Variants in LHPP observed in about 807,000 individuals in gnomAD.
LHPP encodes the protein hLHPP.
LHPP carries 24 observed loss-of-function variants against 30.3 expected under a neutral mutation model. The observed-to-expected ratio is 0.79, with a 90% confidence interval of 0.57 to 1.11. LHPP has a LOEUF of 1.11. Among genes scored for constraint, LHPP ranks in the 50% most tolerant of loss-of-function variants. The probability of loss-of-function intolerance (pLI) is 0.00; values close to 1 mark genes in which losing one functional copy is unlikely to be tolerated. For missense variants in LHPP, 356 were observed against 367.2 expected (o/e 0.97, Z 0.25); for synonymous variants, 150 against 157.1 (o/e 0.95, Z 0.34).
In LHPP at chr10:124,587,364, C is replaced by T. The variant is rs114374560; in HGVS notation, c.717-25900C>T. Reference sequence around the variant, plus strand: ...CTTTCTGTGGTGTAAATATTCCTACCATGGCTGATTTCCTCTGGGGAAGCC... The same window carrying T: ...CTTTCTGTGGTGTAAATATTCCTACTATGGCTGATTTCCTCTGGGGAAGCC... On this transcript the variant is annotated intron_variant, in intron 6 of 6. Coordinates refer to ENST00000368842, the MANE Select transcript of LHPP (RefSeq NM_022126.4). Among the ~76,000 whole-genome samples, 421 of 152,084 alleles carry T rather than the reference C, an allele frequency of 2.8e-3. 1 individual carries two copies. The highest frequency in any genetic ancestry group is 9.6e-3 in the African/African-American group (399 of 41,512).
intron 1 of LHPP, among the ~76,000 whole-genome samples, chr10:124,472,920 A>G (rs1383789777): frequency 6.6e-6 from 1 of 152,210 alleles, no homozygotes; most frequent in African/African-American, 2.4e-5. Context: ...TATCTGGGGT[A>G]GAGTCATAAT....
chr10:124,598,152 C>T (rs911805163), intron 6 of LHPP, among the ~76,000 whole-genome samples: 3 of 152,230 alleles, frequency 2.0e-5, no homozygotes, highest in Non-Finnish European at 2.9e-5. Flanking sequence ...ACCAAGTGAG[C>T]GGAAGCATGG....
rs531711008 is a variant in LHPP, at chr10:124,558,948, G to A, written c.716+41677G>A. 6.6e-5 allele frequency among the ~76,000 whole-genome samples: 10 copies of A among 152,294 alleles called. No individual in the cohort carries two copies. In the South Asian group the frequency reaches 2.1e-3, roughly 32 times the overall value. On this transcript the variant is annotated intron_variant, in intron 6 of 6. Coordinates refer to ENST00000368842, the MANE Select transcript of LHPP (RefSeq NM_022126.4). ...TCGACCTTTTCTGTTGGAATCGTGG[G>A]GCCTTAACACTGGAAGTAAAAGGAG... is the stretch of plus-strand genomic sequence containing the variant.
At position 124,581,671 on chromosome 10, in the gene LHPP, G is replaced by C. The variant is rs192395465; in HGVS notation, c.717-31593G>C. Reference sequence around the variant, plus strand: ...CTACAATGATGACTAGTGATGTCAGGCATCTTTTCTTGTACTTATTGGCCA... The same window carrying C: ...CTACAATGATGACTAGTGATGTCAGCCATCTTTTCTTGTACTTATTGGCCA... On this transcript the variant is annotated intron_variant, in intron 6 of 6. Coordinates refer to ENST00000368842, the MANE Select transcript of LHPP (RefSeq NM_022126.4). 1.9e-3 allele frequency among the ~76,000 whole-genome samples: 295 copies of C among 152,214 alleles called. 2 individuals carry two copies. Among genetic ancestry groups the C allele is most frequent in the Non-Finnish European group, 4.0e-4 (27 of 68,010 alleles).
At chr10:124,468,026 A>C (rs1488631615) in intron 1 of LHPP, among the ~76,000 whole-genome samples, 2 of 152,126 alleles carry the variant, frequency 1.3e-5, no homozygotes, top group Non-Finnish European at 2.9e-5. Flanking sequence ...GGACAGTTTG[A>C]GCCCTGGTCT....
chr10:124,488,531 G>A lies in LHPP; in HGVS notation c.423G>A (p.Val141=). ...SYQNMNNAFQ[V]LMELEKPVLI... The stretch of plus-strand genomic sequence containing the variant: ...AAAACATGAATAACGCCTTCCAGGT[G>A]CTCATGGAGCTGGAAAAACCTGTGC... Residue 141 remains valine, a synonymous_variant, in exon 3 of 7, where the codon GTG becomes GTA. Transcript: ENST00000368842. 6.2e-7 allele frequency: 1 copy of A among 1,613,718 alleles called. No individual in the cohort carries two copies. Among genetic ancestry groups the A allele is most frequent in the Non-Finnish European group, 8.5e-7 (1 of 1,179,904 alleles).
intron 6 of LHPP, among the ~76,000 whole-genome samples, chr10:124,521,851 G>A (rs1364738992): frequency 1.3e-5 from 2 of 152,020 alleles, no homozygotes; most frequent in Admixed American, 6.5e-5. Context: ...GCACGCACAC[G>A]TGCACGCACT....
At chr10:124,514,078 C>T (rs1954387361) in intron 5 of LHPP, among the ~76,000 whole-genome samples, 1 of 152,186 alleles carries the variant, frequency 6.6e-6, no homozygotes, top group Non-Finnish European at 1.5e-5. Flanking sequence ...GCTCCTACTT[C>T]TGGAAGGGTG....
chr10:124,520,707 G>A (rs1309055992), intron 6 of LHPP, among the ~76,000 whole-genome samples: 1 of 152,238 alleles, frequency 6.6e-6, no homozygotes, highest in Non-Finnish European at 1.5e-5. Flanking sequence ...CTCTGCGTGT[G>A]TAGGTGTGCC....
intron 6 of LHPP, among the ~76,000 whole-genome samples, chr10:124,530,184 C>T (rs1954858054): frequency 6.6e-6 from 1 of 152,154 alleles, no homozygotes; most frequent in South Asian, 2.1e-4. Flanking sequence ...TTCTTGCATG[C>T]CCACCTGGCA....
chr10:124,483,669 A>T (rs530237043), intron 1 of LHPP, among the ~76,000 whole-genome samples: 88 of 152,294 alleles, frequency 5.8e-4, no homozygotes, highest in African/African-American at 1.9e-3. Context: ...AGGCAGGAGA[A>T]TCGCTTGAAT....
At chr10:124,489,641 G>A (rs531906401) in intron 3 of LHPP, among the ~76,000 whole-genome samples, 88 of 152,064 alleles carry the variant, frequency 5.8e-4, no homozygotes, top group African/African-American at 1.8e-3. Flanking sequence ...TTTGGTAGAG[G>A]CGGGGTTTCA....
chr10:124,531,826 G>A (rs1387274522), intron 6 of LHPP, among the ~76,000 whole-genome samples: 1 of 152,208 alleles, frequency 6.6e-6, no homozygotes, highest in Non-Finnish European at 1.5e-5. Context: ...TTGAGGTGAT[G>A]CGATGTCCCA....
intron 6 of LHPP, among the ~76,000 whole-genome samples, chr10:124,559,595 T>C (rs766840399): frequency 2.0e-5 from 3 of 152,218 alleles, no homozygotes; most frequent in Non-Finnish European, 4.4e-5. Context: ...AGTGTACCTG[T>C]TGGGGATGCT....
At chr10:124,479,796 C>G (rs1351094328) in intron 1 of LHPP, among the ~76,000 whole-genome samples, 1 of 152,224 alleles carries the variant, frequency 6.6e-6, no homozygotes, top group African/African-American at 2.4e-5. Context: ...TTAGGACTCC[C>G]CATCTGGGCT....
intron 6 of LHPP, among the ~76,000 whole-genome samples, chr10:124,598,537 TG>T (rs1385837105): frequency 6.6e-6 from 1 of 152,120 alleles, no homozygotes; most frequent in Non-Finnish European, 1.5e-5. Context: ...TCTCCTGAGG[TG>T]GGGCCTGCTC....
At chr10:124,528,744 G>A (rs185282772) in intron 6 of LHPP, among the ~76,000 whole-genome samples, 24 of 152,208 alleles carry the variant, frequency 1.6e-4, no homozygotes, top group East Asian at 5.8e-4. Flanking sequence ...CCTGGTCCCC[G>A]TAGATATTTA....
intron 6 of LHPP, among the ~76,000 whole-genome samples, chr10:124,556,462 T>A (rs1948302009): frequency 6.6e-6 from 1 of 152,246 alleles, no homozygotes; most frequent in Non-Finnish European, 1.5e-5. Flanking sequence ...TTCTTCATTA[T>A]TGTAAACCCA....
intron 6 of LHPP, among the ~76,000 whole-genome samples, chr10:124,518,934 G>GT (rs1291875860): frequency 4.6e-5 from 7 of 152,098 alleles, no homozygotes; most frequent in African/African-American, 1.4e-4. Context: ...GAGAAACTCT[G>GT]TTTTTTTGTT....
Sources: allele counts gnomAD v4.1 joint callset (sites outside exome capture counted in the v4.1 genomes callset), GRCh38; gene constraint gnomAD v4.1.1; transcripts MANE v1.5; gene names NCBI Gene and HGNC (gene_info 2026-07-23, HGNC 2026-07-21).